The following ZNF583 variants were observed in gnomAD, a reference collection of about 807,000 sequenced individuals.
The protein encoded by ZNF583 is zinc finger protein L3-5.
Under a neutral mutation model 55.3 loss-of-function variants are expected in ZNF583, and 30 were observed. That is an observed-to-expected ratio of 0.54 (90% confidence interval 0.41 to 0.74). ZNF583 has a LOEUF of 0.74. ZNF583 is among the 30% of genes least tolerant of loss of function. ZNF583 has a pLI of 0.00. For synonymous variants in ZNF583, 208 were observed against 220.0 expected (o/e 0.95, Z 0.48); for missense variants, 504 against 664.7 (o/e 0.76, Z 2.66).
chr19:56,408,984 C>T (rs1207671214), intron 2 of ZNF583, among the ~76,000 whole-genome samples: 9 of 151,728 alleles, frequency 5.9e-5, no homozygotes, highest in Non-Finnish European at 1.2e-4. Flanking sequence ...TTTGCCCCCC[C>T]ATCCCCCTAC....
At chr19:56,415,341 T>G (rs1326046402) in intron 4 of ZNF583, among the ~76,000 whole-genome samples, 1 of 152,038 alleles carries the variant, frequency 6.6e-6, no homozygotes, top group East Asian at 1.9e-4. Context: ...AAGAGGGTTA[T>G]ATATATAAGA....
intron 4 of ZNF583, among the ~76,000 whole-genome samples, chr19:56,417,867 C>T (rs990021929): frequency 2.6e-5 from 4 of 152,180 alleles, no homozygotes; most frequent in African/African-American, 9.6e-5. Context: ...TATGGATATA[C>T]AGTTGCCCCA....
intron 2 of ZNF583, among the ~76,000 whole-genome samples, chr19:56,413,230 G>C (rs1424207504): frequency 1.3e-5 from 2 of 152,220 alleles, no homozygotes; most frequent in Non-Finnish European, 2.9e-5. Context: ...TAGGTCATCA[G>C]TGAGATGAGA....
chr19:56,419,196 T>C (rs1300445038), intron 4 of ZNF583, among the ~76,000 whole-genome samples: 4 of 28,776 alleles, frequency 1.4e-4, no homozygotes, highest in African/African-American at 5.3e-4. Context: ...GCAGGTTTAC[T>C]TTTTTTTTTT....
chr19:56,424,825 T>C lies in ZNF583; in HGVS notation c.*457T>C. On this transcript the variant is annotated 3_prime_UTR_variant, in exon 5 of 5. Transcript: ENST00000333201. The stretch of plus-strand genomic sequence containing the variant: ...GCAGTTTGTGCTTTGTAAGCTTCAG[T>C]CTTATTTATAGTGTGGGAATAATAA... The C allele has an allele frequency of 6.3e-6, 1 of 158,420 alleles. No individual in the cohort carries two copies. Among genetic ancestry groups the C allele is most frequent in the Non-Finnish European group, 1.4e-5 (1 of 71,540 alleles). 9.8% of individuals were successfully genotyped at this position (158,420 alleles called of 1,614,324 possible).
intron 4 of ZNF583, among the ~76,000 whole-genome samples, chr19:56,416,447 G>C (rs2042324202): frequency 6.7e-6 from 1 of 148,158 alleles, no homozygotes; most frequent in Non-Finnish European, 1.5e-5. Context: ...GTTTTTTTCT[G>C]TACTAATTCA....
At position 56,423,700 on chromosome 19, in the gene ZNF583, G is replaced by A; in HGVS notation, c.1042G>A (p.Gly348Arg). 1 of 1,614,060 alleles carries A rather than the reference G, an allele frequency of 6.2e-7. No homozygotes were observed. The highest frequency in any genetic ancestry group is 8.5e-7 in the Non-Finnish European group (1 of 1,180,002). ...FLAQHQRIHT[G>R]EKPYVCNVCG... is the part of the protein sequence containing the mutation. ...TGCTCAGCATCAGAGAATTCATACA[G>A]GAGAGAAACCTTATGTGTGTAATGT... The change falls in exon 5 of 5, where the codon GGA becomes AGA. Residue 348 changes from glycine (G) to arginine (R), a missense_variant. Gly to Arg is a moderately radical substitution (Grantham distance 125). Around this residue, in one of 3 missense-constraint regions of ZNF583, gnomAD observed 237 missense variants for 373.0 expected, o/e 0.64. Transcript: ENST00000333201.
In ZNF583 at chr19:56,404,881, CATT is replaced by C. The variant is rs149880074; in HGVS notation, c.-90+432_-90+434del. On this transcript the variant is annotated intron_variant, in intron 1 of 4. Coordinates refer to ENST00000333201, the MANE Select transcript of ZNF583 (RefSeq NM_152478.3). The surrounding 1 kb of genome is among the most constrained non-coding windows in gnomAD (Gnocchi z 5.2). ...GGAATGTGTGACAGTGTTAAACTGT[CATT>C]ATGTGTAGACCACGTGTGAACAGTG... Among the ~76,000 whole-genome samples, 502 of 152,174 alleles carry C rather than the reference CATT, an allele frequency of 3.3e-3. No individual in the cohort carries two copies. The highest frequency in any genetic ancestry group is 0.013 in the East Asian group (66 of 5,150).
intron 4 of ZNF583, among the ~76,000 whole-genome samples, chr19:56,422,002 G>A (rs768628785): frequency 6.6e-6 from 1 of 152,094 alleles, no homozygotes; most frequent in South Asian, 2.1e-4. Flanking sequence ...AGATATCTGT[G>A]GAAAGTGCTT....
At chr19:56,416,438 T>G (rs2042323919) in intron 4 of ZNF583, among the ~76,000 whole-genome samples, 1 of 151,998 alleles carries the variant, frequency 6.6e-6, no homozygotes, top group Non-Finnish European at 1.5e-5. Flanking sequence ...CAATTTTGTG[T>G]TTTTTTCTGT....
In ZNF583 at chr19:56,423,825, C is replaced by T; in HGVS notation, c.1167C>T (p.Phe389=). 6.2e-7 allele frequency: 1 copy of T among 1,613,836 alleles called. No individual in the cohort carries two copies. The highest frequency in any genetic ancestry group is 8.5e-7 in the Non-Finnish European group (1 of 1,179,894). The change falls in exon 5 of 5, where the codon TTC becomes TTT. Residue 389 remains phenylalanine, a synonymous_variant. Coordinates refer to ENST00000333201, the MANE Select transcript of ZNF583 (RefSeq NM_152478.3). ...AATGTAAGGAATGTAGGAAAGCCTT[C>T]AGCCAGTATGCACACCTTGCTCAAC... The part of the protein sequence containing the change: ...PYECKECRKA[F]SQYAHLAQHQ...
Position 56,423,882 on chromosome 19 carries a change from T to G in ZNF583, c.1224T>G (p.Tyr408Ter). The stretch of plus-strand genomic sequence containing the variant: ...GAGTTCATACTGGAGAAAAACCTTA[T>G]GAATGTAAAGTATGTAGGAAAGCCT... ...HQRVHTGEKP[Y>*]ECKVCRKAFS... Residue 408 changes from tyrosine (Y) to a stop codon, truncating the protein, a stop_gained, in exon 5 of 5, where the codon TAT (tyrosine) becomes TAG (stop). Transcript: ENST00000333201. LOFTEE classifies it high-confidence loss of function. 1 of 1,613,936 alleles carries G rather than the reference T, an allele frequency of 6.2e-7. No individual in the cohort carries two copies. The highest frequency in any genetic ancestry group is 8.5e-7 in the Non-Finnish European group (1 of 1,179,932).
At chr19:56,406,120 G>A (rs1372011847) in intron 1 of ZNF583, among the ~76,000 whole-genome samples, 3 of 152,316 alleles carry the variant, frequency 2.0e-5, no homozygotes, top group East Asian at 3.9e-4. Context: ...GAAAAGTCAA[G>A]AGATTAGTTT....
rs765823108 is a variant in ZNF583, at chr19:56,423,834, T to C, written c.1176T>C (p.Tyr392=). 3 of 1,614,044 alleles carry C rather than the reference T, an allele frequency of 1.9e-6. No homozygotes were observed. The highest frequency in any genetic ancestry group is 1.1e-5 in the South Asian group (1 of 91,080). ...AATGTAGGAAAGCCTTCAGCCAGTATGCACACCTTGCTCAACATCAGAGAG... is the reference window on the plus strand; with the variant it reads ...AATGTAGGAAAGCCTTCAGCCAGTACGCACACCTTGCTCAACATCAGAGAG... ...CKECRKAFSQ[Y]AHLAQHQRVH... The change falls in exon 5 of 5, where the codon TAT becomes TAC. Residue 392 remains tyrosine (Y), a synonymous_variant. Coordinates refer to ENST00000333201, the MANE Select transcript of ZNF583 (RefSeq NM_152478.3).
At position 56,423,132 on chromosome 19, in the gene ZNF583, T is replaced by C. The variant is rs749736535; in HGVS notation, c.474T>C (p.Tyr158=). Reference sequence around the variant, plus strand: ...TTCCAGAAGTTCAAAATAAAGAATATAACAAATCTTGGCAAACATTCCACC... The same window carrying C: ...TTCCAGAAGTTCAAAATAAAGAATACAACAAATCTTGGCAAACATTCCACC... ...EILPEVQNKE[Y]NKSWQTFHQD... The change falls in exon 5 of 5, where the codon TAT becomes TAC. Residue 158 remains tyrosine, a synonymous_variant. Coordinates refer to ENST00000333201, the MANE Select transcript of ZNF583 (RefSeq NM_152478.3). The C allele has an allele frequency of 6.2e-7, 1 of 1,611,862 alleles. No individual in the cohort carries two copies.
chr19:56,423,285 G>T lies in ZNF583; in HGVS notation c.627G>T (p.Lys209Asn). 6.2e-7 allele frequency: 1 copy of T among 1,608,432 alleles called. No individual in the cohort carries two copies. The highest frequency in any genetic ancestry group is 1.3e-5 in the African/African-American group (1 of 74,384). Residue 209 changes from lysine to asparagine, a missense_variant, in exon 5 of 5, where the codon AAG becomes AAT. By Grantham distance (94) the Lys-to-Asn change is moderately conservative. Transcript: ENST00000333201. ...EMKHRKVYVEKKLLKCNDCEK... is the reference protein window; with the variant it reads ...EMKHRKVYVENKLLKCNDCEK... ...AACATAGGAAAGTCTATGTAGAAAAGAAACTTTTGAAATGTAATGATTGTG... is the reference window on the plus strand; with the variant it reads ...AACATAGGAAAGTCTATGTAGAAAATAAACTTTTGAAATGTAATGATTGTG...
Position 56,413,990 on chromosome 19 carries a change from A to G in ZNF583, c.41A>G (p.Asn14Ser), listed in dbSNP as rs1382227976. 2 of 1,613,940 alleles carry G rather than the reference A, an allele frequency of 1.2e-6. No individual in the cohort carries two copies. The highest frequency in any genetic ancestry group is 1.7e-6 in the Non-Finnish European group (2 of 1,179,982). ...GTGACATTTGGGGATGTGGCTGTAA[A>G]TTTCTCTCAAGAGGAATGGGAATGG... ...DLVTFGDVAVNFSQEEWEWLN... is the reference protein window; with the variant it reads ...DLVTFGDVAVSFSQEEWEWLN... The change falls in exon 3 of 5, where the codon AAT becomes AGT. Residue 14 changes from asparagine to serine, a missense_variant. Around this residue, in one of 3 missense-constraint regions of ZNF583, gnomAD observed 204 missense variants for 235.2 expected, o/e 0.87. Transcript: ENST00000333201.
chr19:56,418,407 TGAAAAA>T (rs1448639464), intron 4 of ZNF583, among the ~76,000 whole-genome samples: 1 of 152,148 alleles, frequency 6.6e-6, no homozygotes, highest in East Asian at 1.9e-4. Context: ...AGACTCTGTC[TGAAAAA>T]GAAAAAGGAA....
intron 4 of ZNF583, among the ~76,000 whole-genome samples, chr19:56,418,394 G>A (rs1456965572): frequency 6.6e-6 from 1 of 151,680 alleles, no homozygotes; most frequent in Admixed American, 6.6e-5. Context: ...GGACAACATA[G>A]CAAGACTCTG....
Sources: allele counts gnomAD v4.1 joint callset (sites outside exome capture counted in the v4.1 genomes callset), GRCh38; gene constraint gnomAD v4.1.1; regional missense constraint gnomAD v4.1.1; non-coding constraint Gnocchi (gnomAD v3.1); transcripts MANE v1.5; gene names NCBI Gene and HGNC (gene_info 2026-07-23, HGNC 2026-07-21).